The following PTRH1 variants were observed in gnomAD, a reference collection of about 807,000 sequenced individuals.
PTRH1 encodes peptidyl-tRNA hydrolase.
PTRH1 carries 13 observed loss-of-function variants against 15.7 expected under a neutral mutation model. The observed-to-expected ratio is 0.83, with a 90% CI of 0.54 to 1.31. The LOEUF is 1.31. Among genes scored for constraint, PTRH1 ranks in the 40% most tolerant of loss-of-function variants. PTRH1 has a pLI of 0.00. For missense variants in PTRH1, 319 were observed against 296.2 expected, an observed-to-expected ratio of 1.08 and a Z score of -0.56; for synonymous variants, 139 against 136.7, an observed-to-expected ratio of 1.02 and a Z score of -0.12.
At position 127,705,191 on chromosome 9, in the gene PTRH1, G is replaced by T. The variant is rs1235796160; in HGVS notation, c.206-10050C>A. Among the ~76,000 whole-genome samples, 1 of 152,164 alleles carries T rather than the reference G, an allele frequency of 6.6e-6. No individual in the cohort carries two copies. The highest frequency in any genetic ancestry group is 1.5e-5 in the Non-Finnish European group (1 of 68,030). On this transcript the variant is annotated intron_variant, in intron 1 of 2. Transcript: ENST00000335223. The surrounding 1 kb of genome is among the most constrained non-coding windows in gnomAD (Gnocchi z 4.7). ...TGCAGTCTGCATGGCTTTGTGCACT[G>T]CCTGACTCCCCTCAGAAGACCCAGC...
intron 1 of PTRH1, among the ~76,000 whole-genome samples, chr9:127,702,039 C>T (rs1260157867): frequency 6.6e-6 from 1 of 151,730 alleles, no homozygotes; most frequent in African/African-American, 2.4e-5. Flanking sequence ...CTGGGCAAAA[C>T]AGGGAGACCC....
chr9:127,697,134 A>G (rs1022876666), intron 1 of PTRH1, among the ~76,000 whole-genome samples: 11 of 152,228 alleles, frequency 7.2e-5, no homozygotes, highest in Non-Finnish European at 1.3e-4. Flanking sequence ...TATTTTAGTT[A>G]TTTCAGTTAC....
chr9:127,710,226 T>C (rs908520010), downstream of PTRH1, among the ~76,000 whole-genome samples: 2 of 144,066 alleles, frequency 1.4e-5, no homozygotes, highest in Non-Finnish European at 3.0e-5. Context: ...GAGACTGCAG[T>C]GAGCTGTGAC....
intron 1 of PTRH1, among the ~76,000 whole-genome samples, chr9:127,696,955 T>C (rs1405667845): frequency 6.6e-6 from 1 of 152,080 alleles, no homozygotes; most frequent in Admixed American, 6.6e-5. Flanking sequence ...CAAATGACTC[T>C]TCAAGGATGA....
intron 1 of PTRH1, among the ~76,000 whole-genome samples, chr9:127,702,142 G>C (rs1842608672): frequency 1.3e-5 from 2 of 152,104 alleles, no homozygotes; most frequent in Admixed American, 6.5e-5. Flanking sequence ...GGGAGACCGA[G>C]GTGGGCGGAT....
downstream of PTRH1, chr9:127,709,483 C>A (rs746398794): frequency 1.9e-6 from 3 of 1,614,014 alleles, no homozygotes; most frequent in East Asian, 2.2e-5. This position sits in a 1 kb window ranked among gnomAD's most constrained non-coding sequence, Gnocchi z 4.7. Flanking sequence ...GGAGTTTGAG[C>A]AGCTGGCCAA....
In PTRH1 at chr9:127,715,629, C is replaced by T. The variant is rs764714669; in HGVS notation, c.11G>A (p.Gly4Asp). 23 of 1,612,172 alleles carry T rather than the reference C, an allele frequency of 1.4e-5. No individual in the cohort carries two copies. Among genetic ancestry groups the T allele is most frequent in the Non-Finnish European group, 1.9e-5 (22 of 1,179,894 alleles). MRP[G>D]GFLGAGQRLS... ...CCGCTGTCCGGCGCCCAAAAAGCCG[C>T]CCGGCCTCATGCTGCCCCCATTCAC... The change falls in exon 1 of 5, where the codon GGC becomes GAC. Residue 4 changes from glycine (G) to aspartate (D), a missense_variant. By Grantham distance (94) the Gly-to-Asp change is moderately conservative. Coordinates refer to ENST00000543175, the MANE Select transcript of PTRH1 (RefSeq NM_001002913.3). This position sits in a 1 kb window ranked among gnomAD's most constrained non-coding sequence, Gnocchi z 5.8.
chr9:127,713,815 A>C lies in PTRH1; in HGVS notation c.*285T>G. ...AGCCACTGCACCCGGCCTCCAAGCC[A>C]GCATCTTTAATCTTACAGATGCGTG... On this transcript the variant is annotated 3_prime_UTR_variant, in exon 5 of 5. Coordinates refer to ENST00000543175, the MANE Select transcript of PTRH1 (RefSeq NM_001002913.3). The C allele has an allele frequency of 6.2e-7, 1 of 1,611,330 alleles. No homozygotes were observed. The highest frequency in any genetic ancestry group is 1.1e-5 in the South Asian group (1 of 91,034).
downstream of PTRH1, chr9:127,710,906 G>T (rs1588392257): frequency 6.4e-6 from 6 of 930,236 alleles, no homozygotes; most frequent in Non-Finnish European, 9.7e-6. Flanking sequence ...AATCCCAGCT[G>T]GTGATTATGG....
At chr9:127,706,830 C>A (rs552644083) in intron 1 of PTRH1, among the ~76,000 whole-genome samples, 2 of 152,318 alleles carry the variant, frequency 1.3e-5, no homozygotes, top group East Asian at 3.9e-4. Context: ...TCCTGCCTGC[C>A]ATGGCCTGGG....
At chr9:127,699,148 C>T (rs987789950) in intron 1 of PTRH1, among the ~76,000 whole-genome samples, 4 of 152,200 alleles carry the variant, frequency 2.6e-5, no homozygotes, top group African/African-American at 9.6e-5. Context: ...TCCCAAAGTG[C>T]TGGCATTATA....
chr9:127,711,622 G>C, downstream of PTRH1: 1 of 1,273,304 alleles, frequency 7.9e-7, no homozygotes. Context: ...GAGAGGACTG[G>C]GCCTCCTGTG....
At chr9:127,710,732 A>T (rs1842746526), downstream of PTRH1, 1 of 1,568,594 alleles carries the variant, frequency 6.4e-7, no homozygotes, top group Non-Finnish European at 8.7e-7. Flanking sequence ...CCTGGAGAAG[A>T]AGTCGGTGCT....
At chr9:127,712,298 C>T, downstream of PTRH1, 1 of 1,614,080 alleles carries the variant, frequency 6.2e-7, no homozygotes, top group African/African-American at 1.3e-5. Context: ...TTCGGGCCAG[C>T]CTGGAGGCGG....
At position 127,695,053 on chromosome 9, in the gene PTRH1, TTGATGATGATGA is replaced by T. The variant is rs57076743; in HGVS notation, c.282_293del (p.His94_His97del). 1,743 of 671,686 alleles carry T rather than the reference TTGATGATGATGA, an allele frequency of 2.6e-3. 6 individuals carry two copies. The highest frequency in any genetic ancestry group is 4.0e-3 in the Non-Finnish European group (1,492 of 369,040). 41.6% of individuals were successfully genotyped at this position (671,686 alleles called of 1,614,324 possible). ...AGGAAGCACAGTGAGGGCTCAGCCA[TTGATGATGATGA>T]TGATGATGATGATGATGATGATGAT... On this transcript the variant is annotated inframe_deletion, in exon 2 of 3. Coordinates refer to the PTRH1 transcript ENST00000335223.
chr9:127,696,237 G>A (rs1384857518), intron 1 of PTRH1, among the ~76,000 whole-genome samples: 1 of 152,192 alleles, frequency 6.6e-6, no homozygotes, highest in Admixed American at 6.5e-5. Flanking sequence ...TCAGGAGGCT[G>A]GGGTGGGAGG....
In PTRH1 at chr9:127,706,925, C is replaced by T. The variant is rs970163838; in HGVS notation, c.205+8510G>A. ...ACCCAGCAAGAAGAGGGCAGGGTCC[C>T]TTTAAGCCCAGCCTCACTCCCTCGG... On this transcript the variant is annotated intron_variant, in intron 1 of 2. Transcript: ENST00000335223. 2.9e-6 allele frequency: 4 copies of T among 1,399,480 alleles called. No individual in the cohort carries two copies. The African/African-American group carries it at 4.3e-5, about 15-fold the overall frequency. 86.7% of individuals were successfully genotyped at this position (1,399,480 alleles called of 1,614,324 possible). A position where few individuals can be genotyped will look rare whatever the true frequency, so the allele number is the denominator to read the frequency against.
At chr9:127,709,072 C>G (rs1052212004), downstream of PTRH1, among the ~76,000 whole-genome samples, 4 of 152,218 alleles carry the variant, frequency 2.6e-5, no homozygotes, top group African/African-American at 7.2e-5. This position sits in a 1 kb window ranked among gnomAD's most constrained non-coding sequence, Gnocchi z 4.7. Context: ...ATAAAATCAT[C>G]ATAGTACCTA....
At chr9:127,709,615 T>C (rs1445294897), downstream of PTRH1, 3 of 1,613,850 alleles carry the variant, frequency 1.9e-6, no homozygotes, top group Admixed American at 5.0e-5. The surrounding 1 kb of genome is among the most constrained non-coding windows in gnomAD (Gnocchi z 4.7). Flanking sequence ...GAAGGATGCC[T>C]TCGAGGCGCA....
Sources: allele counts gnomAD v4.1 joint callset (sites outside exome capture counted in the v4.1 genomes callset), GRCh38; gene constraint gnomAD v4.1.1; non-coding constraint Gnocchi (gnomAD v3.1); transcripts MANE v1.5; gene names NCBI Gene and HGNC (gene_info 2026-07-23, HGNC 2026-07-21).